The following RYR2 variants were observed in gnomAD, a reference collection of about 807,000 sequenced individuals.
RYR2 encodes the protein ryanodine receptor 2, also known as cardiac muscle ryanodine receptor-calcium release channel.
In RYR2, 227 loss-of-function variants were observed where a neutral mutation model predicts 601.1. The observed-to-expected ratio is 0.38, with a 90% confidence interval of 0.34 to 0.42. The LOEUF (loss-of-function observed/expected upper bound fraction) is 0.42. Ranked by LOEUF, RYR2 falls within the 10% of genes least tolerant of loss-of-function variation. The pLI is 1.00. For synonymous variants in RYR2, 2,223 were observed against 2,175.1 expected (o/e 1.02, Z -0.61); for missense variants, 4,646 against 6,156.5 (o/e 0.75, Z 8.21).
chr1:237,711,834 A>C lies in RYR2; in HGVS notation c.10320A>C (p.Ser3440=). ...TTACTGATACCAAGTCAAAGATGTCAAAGGTATTACTATAAACTGTTTCAC... is the reference window on the plus strand; with the variant it reads ...TTACTGATACCAAGTCAAAGATGTCCAAGGTATTACTATAAACTGTTTCAC... ...FLITDTKSKM[S]KAAVSDQERK... Residue 3440 remains serine, a synonymous_variant, in exon 71 of 105, where the codon TCA becomes TCC. Transcript: ENST00000366574. 2 of 1,347,756 alleles carry C rather than the reference A, an allele frequency of 1.5e-6. No homozygotes were observed. Among genetic ancestry groups the C allele is most frequent in the Non-Finnish European group, 2.1e-6 (2 of 939,900 alleles). 83.5% of individuals were successfully genotyped at this position (1,347,756 alleles called of 1,614,324 possible). A position where few individuals can be genotyped will look rare whatever the true frequency, so the allele number is the denominator to read the frequency against.
intron 1 of RYR2, among the ~76,000 whole-genome samples, chr1:237,167,376 G>A (rs1408616662): frequency 6.6e-6 from 1 of 152,118 alleles, no homozygotes; most frequent in Admixed American, 6.5e-5. Flanking sequence ...ATAGAGTAAC[G>A]GTCCCACTCT....
chr1:237,284,541 A>G (rs1691289706), intron 2 of RYR2, among the ~76,000 whole-genome samples: 1 of 107,906 alleles, frequency 9.3e-6, no homozygotes, highest in Non-Finnish European at 1.7e-5. Context: ...GTATATATAT[A>G]GTGTGTGTAT....
At chr1:237,283,588 T>A (rs1281795452) in intron 2 of RYR2, among the ~76,000 whole-genome samples, 1 of 152,210 alleles carries the variant, frequency 6.6e-6, no homozygotes, top group Admixed American at 6.5e-5. Context: ...GATGTATCCA[T>A]TTTGGCAGTT....
At chr1:237,654,075 A>G (rs1459897043) in intron 51 of RYR2, among the ~76,000 whole-genome samples, 199 bp from the exon 52 acceptor site, 1 of 152,134 alleles carries the variant, frequency 6.6e-6, no homozygotes, top group Non-Finnish European at 1.5e-5. Context: ...CTTAAATTCA[A>G]TCAAGTTGAC....
intron 12 of RYR2, among the ~76,000 whole-genome samples, chr1:237,440,111 C>T (rs973546794): frequency 8.5e-5 from 13 of 152,054 alleles, no homozygotes; most frequent in African/African-American, 2.9e-4. Context: ...AAAATTTCAA[C>T]TCATTTTAAT....
At chr1:237,719,579 C>T (rs949177094) in intron 73 of RYR2, among the ~76,000 whole-genome samples, 22 of 152,074 alleles carry the variant, frequency 1.4e-4, no homozygotes, top group African/African-American at 4.6e-4. Flanking sequence ...CCAGATCTCA[C>T]GAGAATCTTG....
intron 73 of RYR2, among the ~76,000 whole-genome samples, chr1:237,722,534 C>T (rs932162939): frequency 9.8e-4 from 149 of 151,358 alleles, no homozygotes; most frequent in Middle Eastern, 3.4e-3. Context: ...CCCGGGTTCA[C>T]GCTGTTCTCC....
intron 100 of RYR2, among the ~76,000 whole-genome samples, chr1:237,812,515 T>C (rs2149458018): frequency 6.6e-6 from 1 of 152,328 alleles, no homozygotes. Context: ...GGATTCAACA[T>C]CACTGCTCAA....
At chr1:237,628,134 A>G (rs1679872094) in intron 41 of RYR2, 54 bp downstream of exon 41, 1 of 1,580,398 alleles carries the variant, frequency 6.3e-7, no homozygotes, top group African/African-American at 1.3e-5. Flanking sequence ...TCTAATTGTT[A>G]TACCTATAGA....
At chr1:237,212,176 T>A (rs1682656376) in intron 1 of RYR2, among the ~76,000 whole-genome samples, 1 of 152,178 alleles carries the variant, frequency 6.6e-6, no homozygotes, top group Admixed American at 6.5e-5. Flanking sequence ...AATATTAGGT[T>A]CACCCTTAAT....
At chr1:237,412,191 C>A in intron 10 of RYR2, among the ~76,000 whole-genome samples, 2 of 151,392 alleles carry the variant, frequency 1.3e-5, no homozygotes, top group South Asian at 2.1e-4. Context: ...GTTTTATAGC[C>A]AAAAATACAA....
At chr1:237,788,673 T>C (rs1657949318) in intron 92 of RYR2, among the ~76,000 whole-genome samples, 1 of 152,220 alleles carries the variant, frequency 6.6e-6, no homozygotes, top group African/African-American at 2.4e-5. Flanking sequence ...CCACTTTCCA[T>C]TGATAATAAG....
intron 1 of RYR2, among the ~76,000 whole-genome samples, chr1:237,196,552 ATTG>A (rs1460026528): frequency 1.3e-5 from 2 of 152,042 alleles, no homozygotes; most frequent in Non-Finnish European, 2.9e-5. Flanking sequence ...ATAGTGATTT[ATTG>A]TTGTTCATTT....
intron 1 of RYR2, among the ~76,000 whole-genome samples, chr1:237,046,072 G>A (rs985184127): frequency 1.3e-5 from 2 of 151,946 alleles, no homozygotes; most frequent in Non-Finnish European, 2.9e-5. Context: ...GCAGAATGAA[G>A]TATTTCATTA....
chr1:237,748,290 G>A (rs762489803), intron 80 of RYR2, among the ~76,000 whole-genome samples: 63 of 151,392 alleles, frequency 4.2e-4, no homozygotes, highest in Non-Finnish European at 7.5e-4. Flanking sequence ...TTACAGAACA[G>A]AACAGTGCCT....
At chr1:237,733,420 A>T (rs1286141938) in intron 78 of RYR2, among the ~76,000 whole-genome samples, 1 of 152,184 alleles carries the variant, frequency 6.6e-6, no homozygotes, top group Admixed American at 6.6e-5. Flanking sequence ...AAGAAAATTA[A>T]AATTATTACA....
intron 1 of RYR2, among the ~76,000 whole-genome samples, chr1:237,267,408 T>C (rs908688577): frequency 4.6e-5 from 7 of 152,094 alleles, no homozygotes; most frequent in Admixed American, 1.3e-4. Context: ...TAGTCCCAGC[T>C]ACTTGAGAAG....
chr1:237,247,945 A>C (rs1366663492), intron 1 of RYR2, among the ~76,000 whole-genome samples: 1 of 152,094 alleles, frequency 6.6e-6, no homozygotes, highest in Non-Finnish European at 1.5e-5. Flanking sequence ...AGGAGGCTTA[A>C]GGGTTTTCGC....
chr1:237,409,600 A>G (rs1004200482), intron 10 of RYR2, among the ~76,000 whole-genome samples: 7 of 152,170 alleles, frequency 4.6e-5, no homozygotes, highest in Admixed American at 1.3e-4. Context: ...TGACATTTAT[A>G]ATATATTTTG....
Sources: allele counts gnomAD v4.1 joint callset (sites outside exome capture counted in the v4.1 genomes callset), GRCh38; gene constraint gnomAD v4.1.1; transcripts MANE v1.5; gene names NCBI Gene and HGNC (gene_info 2026-07-23, HGNC 2026-07-21).